The following CPED1 variants were observed in gnomAD, a reference collection of about 807,000 sequenced individuals.
The protein encoded by CPED1 is cadherin-like and PC-esterase domain-containing protein 1.
In CPED1, 114 loss-of-function variants were observed where a neutral mutation model predicts 128.2. That is an observed-to-expected ratio of 0.89 (90% CI 0.76 to 1.04). The LOEUF is 1.04. Ranked by LOEUF, CPED1 falls within the 50% of genes least tolerant of loss-of-function variation. CPED1 has a pLI of 0.00. For missense variants in CPED1, 1,211 were observed against 1,207.1 expected (o/e 1.00, Z -0.05); for synonymous variants, 462 against 426.7 (o/e 1.08, Z -1.02).
Position 121,140,825 on chromosome 7 carries a change from A to C in CPED1, c.1700-2A>C. ...TTGTCATTGTTTTTGTTTTTTTAAC[A>C]GATGAAAACACACCATGTCATATCA... On this transcript the variant is annotated splice_acceptor_variant, in intron 14 of 22. Coordinates refer to ENST00000310396, the MANE Select transcript of CPED1 (RefSeq NM_024913.5). LOFTEE classifies it high-confidence loss of function. 6.2e-7 allele frequency: 1 copy of C among 1,600,318 alleles called. No homozygotes were observed. Among genetic ancestry groups the C allele is most frequent in the Non-Finnish European group, 8.5e-7 (1 of 1,175,144 alleles).
At chr7:121,174,343 T>C (rs761900656) in intron 16 of CPED1, among the ~76,000 whole-genome samples, 50 of 152,320 alleles carry the variant, frequency 3.3e-4, no homozygotes, top group Non-Finnish European at 5.3e-4. Flanking sequence ...TCCAGCGTTA[T>C]AATAGTTTTG....
At chr7:120,992,854 A>G (rs1453628785) in intron 2 of CPED1, among the ~76,000 whole-genome samples, 2 of 152,142 alleles carry the variant, frequency 1.3e-5, no homozygotes, top group Non-Finnish European at 2.9e-5. Context: ...GTACTACCAA[A>G]TATTTGATGG....
chr7:121,252,949 AT>A (rs1030125804), intron 18 of CPED1, among the ~76,000 whole-genome samples: 5 of 152,210 alleles, frequency 3.3e-5, no homozygotes, highest in African/African-American at 1.2e-4. Context: ...TGACCCAGCC[AT>A]CCCATTACTG....
chr7:121,244,803 G>T (rs1031076969), intron 18 of CPED1, among the ~76,000 whole-genome samples: 2 of 152,130 alleles, frequency 1.3e-5, no homozygotes, highest in African/African-American at 4.8e-5. Flanking sequence ...TTGTTTTTAC[G>T]CACTAACCTT....
chr7:121,013,889 T>C (rs1157362898), intron 2 of CPED1, among the ~76,000 whole-genome samples: 1 of 152,262 alleles, frequency 6.6e-6, no homozygotes, highest in Admixed American at 6.5e-5. Flanking sequence ...ATTAATTTAC[T>C]AAATATCTTC....
chr7:121,168,277 C>T (rs1355683253), intron 16 of CPED1, among the ~76,000 whole-genome samples: 1 of 152,112 alleles, frequency 6.6e-6, no homozygotes, highest in Non-Finnish European at 1.5e-5. Flanking sequence ...TTTAAGAAAA[C>T]CTGAAATAAT....
At position 121,236,728 on chromosome 7, in the gene CPED1, G is replaced by C; in HGVS notation, c.2070G>C (p.Leu690=). The part of the protein sequence containing the change: ...ACGFVQDCGL[L]IHPEETCGLQ... The stretch of plus-strand genomic sequence containing the variant: ...TTTTAATGCAGGATTGTGGTTTGCT[G>C]ATTCATCCAGAGGAAACCTGTGGGT... Residue 690 remains leucine (L), a synonymous_variant, in exon 17 of 23, where the codon CTG becomes CTC. Transcript: ENST00000310396. 6.3e-7 allele frequency: 1 copy of C among 1,593,628 alleles called. No individual in the cohort carries two copies. The highest frequency in any genetic ancestry group is 8.5e-7 in the Non-Finnish European group (1 of 1,171,230).
At chr7:121,167,344 T>C (rs1002552124) in intron 16 of CPED1, among the ~76,000 whole-genome samples, 3 of 152,132 alleles carry the variant, frequency 2.0e-5, no homozygotes, top group African/African-American at 7.2e-5. Flanking sequence ...CCTGTAGAAG[T>C]GAGGAAGAAC....
intron 2 of CPED1, among the ~76,000 whole-genome samples, chr7:121,003,271 G>T (rs1484610626): frequency 6.6e-6 from 1 of 152,110 alleles, no homozygotes; most frequent in Non-Finnish European, 1.5e-5. Context: ...TCTAAGACAT[G>T]ATTTCCACTT....
chr7:121,105,627 A>C (rs1312088015), intron 7 of CPED1, among the ~76,000 whole-genome samples: 1 of 152,170 alleles, frequency 6.6e-6, no homozygotes, highest in African/African-American at 2.4e-5. Flanking sequence ...TTCATTTTAA[A>C]GTATGATTTT....
At chr7:121,077,436 G>A (rs967727406) in intron 5 of CPED1, among the ~76,000 whole-genome samples, 6 of 151,882 alleles carry the variant, frequency 4.0e-5, no homozygotes, top group Non-Finnish European at 5.9e-5. Flanking sequence ...CAAAAAGAAA[G>A]CAAAAAATGA....
At chr7:121,047,046 CTG>C in intron 4 of CPED1, 53 bp downstream of exon 4, 1 of 1,043,118 alleles carries the variant, frequency 9.6e-7, no homozygotes, top group Non-Finnish European at 1.5e-6. Context: ...GATATTAACA[CTG>C]GCATTTCCTG....
At chr7:121,227,721 G>C (rs1798046378) in intron 16 of CPED1, among the ~76,000 whole-genome samples, 1 of 152,036 alleles carries the variant, frequency 6.6e-6, no homozygotes. Context: ...GAAGATAGGA[G>C]TTGTTGTGAG....
intron 7 of CPED1, among the ~76,000 whole-genome samples, chr7:121,117,934 AAAAG>A (rs1281561406): frequency 6.6e-6 from 1 of 152,184 alleles, no homozygotes; most frequent in East Asian, 1.9e-4. Flanking sequence ...CAAAAAAAAA[AAAAG>A]AGAAAATTTA....
At chr7:121,248,594 C>CAAAAAAAA (rs36015608) in intron 18 of CPED1, among the ~76,000 whole-genome samples, 2 of 118,444 alleles carry the variant, frequency 1.7e-5, no homozygotes, top group Non-Finnish European at 1.7e-5. Flanking sequence ...CCCTGTGAAA[C>CAAAAAAAA]AAAAAAAAAA....
At chr7:121,037,998 A>G (rs1046273249) in intron 3 of CPED1, among the ~76,000 whole-genome samples, 1 of 152,084 alleles carries the variant, frequency 6.6e-6, no homozygotes, top group Non-Finnish European at 1.5e-5. Flanking sequence ...GTATCCTGAA[A>G]CTTTGCTGAA....
At chr7:121,193,654 G>T (rs1797197735) in intron 16 of CPED1, among the ~76,000 whole-genome samples, 1 of 152,078 alleles carries the variant, frequency 6.6e-6, no homozygotes, top group East Asian at 1.9e-4. Context: ...CCATTTCTGA[G>T]CAACTACTAT....
chr7:121,232,764 C>A (rs1798166949), intron 16 of CPED1, among the ~76,000 whole-genome samples: 1 of 151,974 alleles, frequency 6.6e-6, no homozygotes, highest in Non-Finnish European at 1.5e-5. Flanking sequence ...TTGGAAGGAG[C>A]TATGTGCTGG....
chr7:121,206,515 A>G (rs1524501), intron 16 of CPED1, among the ~76,000 whole-genome samples: 56,526 of 151,758 alleles, frequency 0.37, 10,880 homozygotes, highest in Middle Eastern at 0.51. Flanking sequence ...TTTATTACAA[A>G]TAATACAAAA....
Sources: allele counts gnomAD v4.1 joint callset (sites outside exome capture counted in the v4.1 genomes callset), GRCh38; gene constraint gnomAD v4.1.1; transcripts MANE v1.5; gene names NCBI Gene and HGNC (gene_info 2026-07-23, HGNC 2026-07-21).